Variants in PIKFYVE observed in about 807,000 individuals in gnomAD.
The protein encoded by PIKFYVE is phosphoinositide kinase, FYVE-type zinc finger containing, also known as 1-phosphatidylinositol 3-phosphate 5-kinase.
PIKFYVE carries 122 observed loss-of-function variants against 257.9 expected under a neutral mutation model. The ratio of observed to expected loss-of-function variants is 0.47; its 90% CI spans 0.41 to 0.55. The LOEUF is 0.55. Ranked by LOEUF, PIKFYVE falls within the 20% of genes least tolerant of loss-of-function variation. The pLI, the probability that PIKFYVE is intolerant of heterozygous loss-of-function variation, is 0.00. For missense variants in PIKFYVE, 2,160 were observed against 2,536.6 expected (o/e 0.85, Z 3.19); for synonymous variants, 892 against 868.9 (o/e 1.03, Z -0.47).
chr2:208,353,646 C>T lies in PIKFYVE; in HGVS notation c.5845-252C>T, dbSNP rs184581045. ...TAAATTGGCCAGTGTATTTCGGAAA[C>T]GTTTCAGTAATTGAGTACCTAGGTG... On this transcript the variant is annotated intron_variant, in intron 39 of 41. Coordinates refer to ENST00000264380, the MANE Select transcript of PIKFYVE (RefSeq NM_015040.4). Among the ~76,000 whole-genome samples the T allele has an allele frequency of 6.6e-3, 994 of 151,660 alleles. 2 individuals are homozygous for T. Among genetic ancestry groups the T allele is most frequent in the Non-Finnish European group, 9.8e-3 (666 of 67,926 alleles).
chr2:208,354,753 C>G, intron 41 of PIKFYVE, 108 bp downstream of exon 41: 1 of 832,674 alleles, frequency 1.2e-6, no homozygotes, highest in Admixed American at 2.1e-5. Flanking sequence ...AAGTGGTTAT[C>G]ATTGATTTCA....
chr2:208,338,566 A>G lies in PIKFYVE; in HGVS notation c.4670A>G (p.Lys1557Arg). The change falls in exon 29 of 42, where the codon AAA becomes AGA. Residue 1557 changes from lysine (K) to arginine (R), a missense_variant and splice_region_variant. By Grantham distance (26) the Lys-to-Arg change is conservative (BLOSUM62 2). This residue lies in a region of PIKFYVE where 699 missense variants were observed against 855.8 expected (regional missense o/e 0.82). Transcript: ENST00000264380. ...NISPGLQNGE[K>R]EDRFLTTLSS... ...TCTCCAGGACTTCAGAATGGAGAAA[A>G]AGGTTGGTTCTTGAGTCTGGTGATC... The G allele has an allele frequency of 6.2e-7, 1 of 1,612,888 alleles. No homozygotes were observed. Among genetic ancestry groups the G allele is most frequent in the Middle Eastern group, 1.7e-4 (1 of 6,056 alleles).
intron 12 of PIKFYVE, among the ~76,000 whole-genome samples, chr2:208,307,112 G>T (rs1694419961): frequency 6.6e-6 from 1 of 152,082 alleles, no homozygotes; most frequent in East Asian, 1.9e-4. Context: ...TATCAAAGTT[G>T]TAAGTGGCAA....
chr2:208,324,308 A>T, intron 18 of PIKFYVE, 26 bp downstream of exon 18: 1 of 1,608,880 alleles, frequency 6.2e-7, no homozygotes, highest in Non-Finnish European at 8.5e-7. Context: ...TTTCTATTGT[A>T]TTTTAAAAAA....
At chr2:208,332,709 C>T (rs1174420919) in intron 23 of PIKFYVE, among the ~76,000 whole-genome samples, 1 of 151,884 alleles carries the variant, frequency 6.6e-6, no homozygotes, top group Non-Finnish European at 1.5e-5. Flanking sequence ...TTTTTATTTA[C>T]AAATATACTG....
chr2:208,355,147 T>TTA (rs750749540), intron 41 of PIKFYVE, 43 bp from the exon 42 acceptor site: 16 of 1,480,240 alleles, frequency 1.1e-5, no homozygotes, highest in Non-Finnish European at 1.4e-5. Flanking sequence ...GCCCAATCAA[T>TTA]TATATAACAG....
At chr2:208,333,579 G>T in intron 24 of PIKFYVE, 86 bp downstream of exon 24, 3 of 1,413,810 alleles carry the variant, frequency 2.1e-6, no homozygotes, top group Non-Finnish European at 2.9e-6. Context: ...TTACTAGATT[G>T]AATTAATTTG....
chr2:208,322,734 A>T (rs1242253961), intron 17 of PIKFYVE, among the ~76,000 whole-genome samples: 1 of 151,772 alleles, frequency 6.6e-6, no homozygotes, highest in Admixed American at 6.6e-5. Flanking sequence ...TCTAGGGTAC[A>T]TGTGCACAAT....
intron 12 of PIKFYVE, among the ~76,000 whole-genome samples, chr2:208,308,661 T>G (rs967917112): frequency 6.6e-6 from 1 of 151,374 alleles, no homozygotes; most frequent in Non-Finnish European, 1.5e-5. Context: ...ACACAAAGAG[T>G]GTAGTGTATC....
rs1431781339 is a variant in PIKFYVE at position 208,285,866 on chromosome 2, C to A, written c.754C>A (p.Arg252=). 6.2e-7 allele frequency: 1 copy of A among 1,614,026 alleles called. No homozygotes were observed. Among genetic ancestry groups the A allele is most frequent in the Admixed American group, 1.7e-5 (1 of 59,990 alleles). The change falls in exon 6 of 42, where the codon CGA becomes AGA. Residue 252 remains arginine, a synonymous_variant. Coordinates refer to ENST00000264380, the MANE Select transcript of PIKFYVE (RefSeq NM_015040.4). ...GTCTGTGCTTGATCCAAGTGAACCC[C>A]GAACACCTGTTGGGAGTAGGAAAGC... ...SVSVLDPSEP[R]TPVGSRKASR...
chr2:208,338,536 A>G lies in PIKFYVE; in HGVS notation c.4640A>G (p.Asn1547Ser), dbSNP rs1698393358. 6.2e-7 allele frequency: 1 copy of G among 1,613,518 alleles called. No individual in the cohort carries two copies. Among genetic ancestry groups the G allele is most frequent in the Non-Finnish European group, 8.5e-7 (1 of 1,179,528 alleles). ...AGTGCGATGGATGCATCTCCACGGA[A>G]TATTTCTCCAGGACTTCAGAATGGA... ...KISAMDASPRNISPGLQNGEK... is the reference protein window; with the variant it reads ...KISAMDASPRSISPGLQNGEK... Residue 1547 changes from asparagine to serine, a missense_variant, in exon 29 of 42, where the codon AAT becomes AGT. By Grantham distance (46) the Asn-to-Ser change is conservative (BLOSUM62 1). Transcript: ENST00000264380.
At chr2:208,276,256 C>T (rs991113629) in intron 3 of PIKFYVE, among the ~76,000 whole-genome samples, 1 of 152,316 alleles carries the variant, frequency 6.6e-6, no homozygotes, top group Admixed American at 6.5e-5. Flanking sequence ...ATATGGTCTA[C>T]AGATATAGAC....
In PIKFYVE at chr2:208,355,391, C is replaced by T; in HGVS notation, c.*86C>T. The stretch of plus-strand genomic sequence containing the variant: ...AAATAAGCTACATGTTTTATTTCTT[C>T]ATCGTGTTCACCACTGTATGCCAAG... On this transcript the variant is annotated 3_prime_UTR_variant, in exon 42 of 42. Transcript: ENST00000264380. The T allele has an allele frequency of 9.5e-7, 1 of 1,057,710 alleles. No individual in the cohort carries two copies. The highest frequency in any genetic ancestry group is 1.4e-5 in the South Asian group (1 of 73,666). 65.5% of individuals were successfully genotyped at this position (1,057,710 alleles called of 1,614,324 possible).
chr2:208,330,038 T>G, intron 22 of PIKFYVE, 125 bp downstream of exon 22: 1 of 1,263,444 alleles, frequency 7.9e-7, no homozygotes, highest in Non-Finnish European at 1.1e-6. Flanking sequence ...ATAGTGCATA[T>G]CAGAGTATAT....
At chr2:208,305,658 A>G (rs1005657936) in intron 12 of PIKFYVE, 2 of 254,090 alleles carry the variant, frequency 7.9e-6, no homozygotes, top group Non-Finnish European at 1.2e-5. Flanking sequence ...AGAGGTAAAC[A>G]TTACTAAAAT....
intron 36 of PIKFYVE, 103 bp from the exon 37 acceptor site, chr2:208,350,668 A>G: frequency 1.6e-6 from 2 of 1,239,658 alleles, no homozygotes; most frequent in Non-Finnish European, 2.3e-6. Context: ...TCATGAAGAA[A>G]CTTAAGTGGT....
chr2:208,285,863 C>G lies in PIKFYVE; in HGVS notation c.751C>G (p.Pro251Ala). 6.2e-7 allele frequency: 1 copy of G among 1,614,070 alleles called. No individual in the cohort carries two copies. The highest frequency in any genetic ancestry group is 1.7e-5 in the Admixed American group (1 of 59,996). ...TGTGTCTGTGCTTGATCCAAGTGAA[C>G]CCCGAACACCTGTTGGGAGTAGGAA... ...CSVSVLDPSE[P>A]RTPVGSRKAS... is the part of the protein sequence containing the mutation. The change falls in exon 6 of 42, where the codon CCC (proline) becomes GCC (alanine). Residue 251 changes from proline (P) to alanine (A), a missense_variant. Around this residue, in one of 12 missense-constraint regions of PIKFYVE, gnomAD observed 187 missense variants for 185.6 expected, o/e 1.01. Transcript: ENST00000264380.
At chr2:208,351,015 A>G in intron 37 of PIKFYVE, 68 bp downstream of exon 37, 1 of 1,583,554 alleles carries the variant, frequency 6.3e-7, no homozygotes, top group South Asian at 1.1e-5. Flanking sequence ...AAAATGCAGC[A>G]GGAAGGATAT....
chr2:208,322,603 ACTG>A (rs1286276436), intron 17 of PIKFYVE, among the ~76,000 whole-genome samples: 1 of 151,760 alleles, frequency 6.6e-6, no homozygotes, highest in Non-Finnish European at 1.5e-5. Context: ...TGAGATTCTT[ACTG>A]TGTTTGCATT....
Sources: gnomAD v4.1 joint callset for allele counts (sites outside exome capture counted in the v4.1 genomes callset) on GRCh38, gnomAD v4.1.1 for gene constraint, gnomAD v4.1.1 regional missense constraint, MANE v1.5 for transcripts, NCBI Gene and HGNC (gene_info 2026-07-23, HGNC 2026-07-21) for gene names.